Variants in ADGB observed in about 807,000 individuals in gnomAD.
The protein encoded by ADGB is calpain-7-like protein.
A neutral mutation model predicts 210.5 loss-of-function variants in ADGB; 172 were observed. The observed-to-expected ratio is 0.82, with a 90% CI of 0.72 to 0.93. The LOEUF is 0.93. ADGB is among the 40% of genes least tolerant of loss of function. The pLI is 0.00. For missense variants in ADGB, 2,025 were observed against 1,964.8 expected (o/e 1.03, Z -0.58); for synonymous variants, 658 against 662.7 (o/e 0.99, Z 0.11).
In ADGB at chr6:146,815,361, T is replaced by G; in HGVS notation, c.*144T>G. The G allele has an allele frequency of 1.7e-6, 1 of 594,534 alleles. No homozygotes were observed. The highest frequency in any genetic ancestry group is 3.6e-5 in the East Asian group (1 of 27,554). 36.8% of individuals were successfully genotyped at this position (594,534 alleles called of 1,614,324 possible). ...AATATTTTAATGCTAACTTGTTAGT[T>G]TTCCTCAGAAAGCTAGTATTTGAAG... On this transcript the variant is annotated 3_prime_UTR_variant, in exon 36 of 36. Transcript: ENST00000397944.
At chr6:146,651,643 C>T (rs1486174048) in intron 3 of ADGB, among the ~76,000 whole-genome samples, 1 of 152,100 alleles carries the variant, frequency 6.6e-6, no homozygotes, top group Non-Finnish European at 1.5e-5. Flanking sequence ...ATCATCTTGA[C>T]TTTGGCCTGA....
chr6:146,614,187 CCCTCCCTCCCTCCCTT>C (rs1780752351), intron 1 of ADGB, among the ~76,000 whole-genome samples: 1 of 114,172 alleles, frequency 8.8e-6, no homozygotes, highest in Non-Finnish European at 1.8e-5. Context: ...CTCCCTCCCT[CCCTCCCTCCCTCCCTT>C]CCTCCCTTCC....
At chr6:146,613,214 C>T (rs1780738279) in intron 1 of ADGB, among the ~76,000 whole-genome samples, 1 of 152,104 alleles carries the variant, frequency 6.6e-6, no homozygotes, top group South Asian at 2.1e-4. Context: ...AGTTAAAAGG[C>T]CATTTAAATA....
chr6:146,614,205 C>CT, intron 1 of ADGB, among the ~76,000 whole-genome samples: 7 of 100,998 alleles, frequency 6.9e-5, no homozygotes, highest in African/African-American at 2.8e-4. Flanking sequence ...CCCTCCCTTC[C>CT]TCCCTTCCTT....
rs773181518 is a variant in ADGB at position 146,733,463 on chromosome 6, T to C, written c.2656+208T>C. ...CACCACATATACTTCTAGGGGAGTG[T>C]CTTACAGGGGAGAATTTCCCTGTTT... is the stretch of plus-strand genomic sequence containing the variant. On this transcript the variant is annotated intron_variant, in intron 21 of 35. Coordinates refer to ENST00000397944, the MANE Select transcript of ADGB (RefSeq NM_024694.4). Among the ~76,000 whole-genome samples, 7 of 152,070 alleles carry C rather than the reference T, an allele frequency of 4.6e-5. 1 individual carries two copies. In the South Asian group the frequency reaches 6.2e-4, roughly 14 times the overall value.
intron 12 of ADGB, among the ~76,000 whole-genome samples, chr6:146,698,028 G>T (rs540358100): frequency 3.3e-5 from 5 of 152,188 alleles, no homozygotes; most frequent in African/African-American, 1.2e-4. Context: ...AGTAAGAAAA[G>T]AACAATTTTA....
chr6:146,640,056 T>C (rs2114864190), intron 2 of ADGB, among the ~76,000 whole-genome samples: 1 of 151,874 alleles, frequency 6.6e-6, no homozygotes, highest in East Asian at 1.9e-4. Context: ...AAATAAACAC[T>C]ATTAGAAATG....
intron 28 of ADGB, among the ~76,000 whole-genome samples, chr6:146,765,655 T>C (rs900676804): frequency 6.6e-6 from 1 of 151,280 alleles, no homozygotes; most frequent in African/African-American, 2.4e-5. Context: ...GAAAATAAAT[T>C]ATGAAATACA....
At chr6:146,789,925 C>T (rs1777930586) in intron 33 of ADGB, among the ~76,000 whole-genome samples, 1 of 152,126 alleles carries the variant, frequency 6.6e-6, no homozygotes, top group Non-Finnish European at 1.5e-5. Flanking sequence ...TGAACACAAA[C>T]TTTTCCTCAT....
chr6:146,678,955 G>A (rs1469972761), intron 9 of ADGB, among the ~76,000 whole-genome samples: 2 of 152,180 alleles, frequency 1.3e-5, no homozygotes, highest in African/African-American at 2.4e-5. Flanking sequence ...GCATTGAAGA[G>A]ACCCATTCTC....
At chr6:146,777,187 G>A (rs1458418679) in intron 29 of ADGB, among the ~76,000 whole-genome samples, 1 of 151,938 alleles carries the variant, frequency 6.6e-6, no homozygotes, top group African/African-American at 2.4e-5. Flanking sequence ...CTCCAGTTTT[G>A]AAAGGGACTA....
At chr6:146,681,919 A>G (rs568243205) in intron 9 of ADGB, among the ~76,000 whole-genome samples, 1 of 152,260 alleles carries the variant, frequency 6.6e-6, no homozygotes, top group African/African-American at 2.4e-5. Context: ...TGTGTAGTGG[A>G]CATGTTACTT....
intron 13 of ADGB, among the ~76,000 whole-genome samples, chr6:146,709,403 C>A (rs1235160529): frequency 6.6e-6 from 1 of 152,200 alleles, no homozygotes; most frequent in South Asian, 2.1e-4. Flanking sequence ...TCTAGAGATT[C>A]CTGGCAGGTT....
chr6:146,615,840 T>A (rs1265166670), intron 1 of ADGB, among the ~76,000 whole-genome samples: 1 of 152,250 alleles, frequency 6.6e-6, no homozygotes, highest in Non-Finnish European at 1.5e-5. Flanking sequence ...TGATTCCATA[T>A]CTTGGCTACT....
intron 29 of ADGB, among the ~76,000 whole-genome samples, chr6:146,773,620 A>C (rs1421432831): frequency 6.6e-6 from 1 of 152,198 alleles, no homozygotes; most frequent in African/African-American, 2.4e-5. Context: ...TCCCAGTTTT[A>C]CAGATGAAGA....
rs141086881 is a variant in ADGB, at chr6:146,601,993, T to C, written c.74+2879T>C. Among the ~76,000 whole-genome samples, 843 of 152,360 alleles carry C rather than the reference T, an allele frequency of 5.5e-3. 13 individuals carry two copies. The highest frequency in any genetic ancestry group is 0.054 in the East Asian group (281 of 5,190). On this transcript the variant is annotated intron_variant, in intron 1 of 35. Transcript: ENST00000397944. ...AGTTCAAAAACTGAGATGTTACAACTGATTACGGTAGAATCATCTATGTTC... is the reference window on the plus strand; with the variant it reads ...AGTTCAAAAACTGAGATGTTACAACCGATTACGGTAGAATCATCTATGTTC...
rs778158259 is a variant in ADGB at position 146,701,055 on chromosome 6, A to G, written c.1692A>G (p.Thr564=). The G allele has an allele frequency of 6.4e-7, 1 of 1,550,522 alleles. No individual in the cohort carries two copies. The highest frequency in any genetic ancestry group is 2.0e-5 in the Admixed American group (1 of 50,844). The change falls in exon 13 of 36, where the codon ACA becomes ACG. Residue 564 remains threonine, a synonymous_variant. Transcript: ENST00000397944. ...GCCAGACAGACTTGAGTCAAATAAC[A>G]AAAGCTACATCTCAGGTGACTATGT... ...THSQTDLSQI[T]KATSQGNTAS...
intron 1 of ADGB, 40 bp downstream of exon 1, chr6:146,599,154 C>G (rs1342842491): frequency 1.3e-6 from 2 of 1,524,496 alleles, no homozygotes; most frequent in Non-Finnish European, 1.8e-6. Context: ...CCTGGCCTAG[C>G]CCCTCGACCT....
chr6:146,679,826 A>G (rs1368142198), intron 9 of ADGB, among the ~76,000 whole-genome samples: 1 of 152,180 alleles, frequency 6.6e-6, no homozygotes, highest in Non-Finnish European at 1.5e-5. Context: ...ACAAATACCG[A>G]AGTTCTATAA....
Sources: allele counts gnomAD v4.1 joint callset (sites outside exome capture counted in the v4.1 genomes callset), GRCh38; gene constraint gnomAD v4.1.1; transcripts MANE v1.5; gene names NCBI Gene and HGNC (gene_info 2026-07-23, HGNC 2026-07-21).